ASIC2: variants seen among roughly 807,000 people sequenced by gnomAD.
The protein encoded by ASIC2 is acid-sensing ion channel 2.
In ASIC2, 25 loss-of-function variants were observed where a neutral mutation model predicts 57.3. The observed-to-expected ratio is 0.44, with a 90% CI of 0.32 to 0.61. The LOEUF (loss-of-function observed/expected upper bound fraction) is 0.61, where lower values mean the gene tolerates loss of function less well. ASIC2 is among the 20% of genes least tolerant of loss of function. The pLI, the probability that ASIC2 is intolerant of heterozygous loss-of-function variation, is 0.06. For synonymous variants in ASIC2, 319 were observed against 307.5 expected (o/e 1.04, Z -0.39); for missense variants, 641 against 738.1 (o/e 0.87, Z 1.52).
At chr17:33,827,159 G>A (rs937099216) in intron 1 of ASIC2, among the ~76,000 whole-genome samples, 11 of 151,876 alleles carry the variant, frequency 7.2e-5, no homozygotes, top group African/African-American at 2.4e-4. Context: ...CTATTAAATG[G>A]GAATAAAATA....
At chr17:34,076,822 A>C (rs1045438742) in intron 1 of ASIC2, among the ~76,000 whole-genome samples, 8 of 152,196 alleles carry the variant, frequency 5.3e-5, no homozygotes, top group African/African-American at 1.9e-4. Flanking sequence ...TATTATAGTC[A>C]GAGAGTGAGA....
At chr17:33,101,054 C>A (rs1662755231) in intron 2 of ASIC2, among the ~76,000 whole-genome samples, 1 of 152,216 alleles carries the variant, frequency 6.6e-6, no homozygotes, top group South Asian at 2.1e-4. Context: ...GAGGCCCACT[C>A]TGAGAGTGAG....
At chr17:33,654,611 T>G (rs1907022910) in intron 1 of ASIC2, among the ~76,000 whole-genome samples, 1 of 152,238 alleles carries the variant, frequency 6.6e-6, no homozygotes, top group Non-Finnish European at 1.5e-5. Flanking sequence ...GTGTATAACA[T>G]CTTTGTATCT....
intron 1 of ASIC2, among the ~76,000 whole-genome samples, chr17:33,341,340 G>A (rs1425259420): frequency 1.3e-5 from 2 of 152,212 alleles, no homozygotes; most frequent in East Asian, 3.9e-4. Flanking sequence ...TAGAATTGGA[G>A]TGACCACATA....
At chr17:33,696,301 G>A (rs569136870) in intron 1 of ASIC2, among the ~76,000 whole-genome samples, 5 of 152,302 alleles carry the variant, frequency 3.3e-5, no homozygotes, top group South Asian at 2.1e-4. Flanking sequence ...GGTGGAGGCC[G>A]TATCTGAAAT....
chr17:33,847,259 A>G (rs1435653089), intron 1 of ASIC2, among the ~76,000 whole-genome samples: 1 of 151,762 alleles, frequency 6.6e-6, no homozygotes, highest in African/African-American at 2.4e-5. Flanking sequence ...GTTTTCCTTG[A>G]GCCTTAGTTT....
rs530355679 is a variant in ASIC2 at position 33,430,539 on chromosome 17, G to T, written c.556-318472C>A. On this transcript the variant is annotated intron_variant, in intron 1 of 9. Transcript: ENST00000359872. ...TGCCTTCATCTAGATGTAGGGCTGG[G>T]AATAATAATGTAAATGTCAAGTGGT... Among the ~76,000 whole-genome samples the T allele has an allele frequency of 5.3e-5, 8 of 152,264 alleles. No homozygotes were observed. The East Asian group carries it at 1.5e-3, about 29-fold the overall frequency.
At chr17:33,672,710 C>G (rs1209816740) in intron 1 of ASIC2, among the ~76,000 whole-genome samples, 1 of 152,208 alleles carries the variant, frequency 6.6e-6, no homozygotes, top group African/African-American at 2.4e-5. Flanking sequence ...ACTGCTACAT[C>G]TTTTAATACA....
At chr17:33,286,350 G>T (rs1905190190) in intron 1 of ASIC2, among the ~76,000 whole-genome samples, 1 of 152,190 alleles carries the variant, frequency 6.6e-6, no homozygotes, top group Admixed American at 6.5e-5. Flanking sequence ...TAGGAACAGG[G>T]TGGCAGCTGG....
chr17:34,044,122 A>ACACG (rs1040291589), intron 1 of ASIC2, among the ~76,000 whole-genome samples: 5 of 50,360 alleles, frequency 9.9e-5, no homozygotes, highest in Non-Finnish European at 1.7e-4. Flanking sequence ...ACACACACAC[A>ACACG]CACGCACGCA....
At position 33,723,119 on chromosome 17, in the gene ASIC2, C is replaced by T. The variant is rs182724953; in HGVS notation, c.555+432859G>A. On this transcript the variant is annotated intron_variant, in intron 1 of 9. Transcript: ENST00000359872. Reference sequence around the variant, plus strand: ...ATAGCCCAAAGCTGAATACTGAATACAAGACAAATGGCCATCAACAGAAAA... The same window carrying T: ...ATAGCCCAAAGCTGAATACTGAATATAAGACAAATGGCCATCAACAGAAAA... 1.5e-4 allele frequency among the ~76,000 whole-genome samples: 23 copies of T among 152,126 alleles called. No homozygotes were observed. In the East Asian group the frequency reaches 3.5e-3, roughly 23 times the overall value.
intron 1 of ASIC2, among the ~76,000 whole-genome samples, chr17:33,746,498 A>C (rs530313183): frequency 1.3e-5 from 2 of 151,298 alleles, no homozygotes; most frequent in East Asian, 3.9e-4. Flanking sequence ...ATATGTATAT[A>C]TACATATATG....
chr17:33,813,503 C>G (rs1912486625), intron 1 of ASIC2, among the ~76,000 whole-genome samples: 1 of 152,218 alleles, frequency 6.6e-6, no homozygotes, highest in South Asian at 2.1e-4. Context: ...GTGGCACAAT[C>G]TTGGCTCACT....
At chr17:33,983,941 CCT>C (rs1176226216) in intron 1 of ASIC2, among the ~76,000 whole-genome samples, 2 of 152,116 alleles carry the variant, frequency 1.3e-5, no homozygotes, top group African/African-American at 4.8e-5. Context: ...GTTGAGAAGC[CCT>C]CTGTTTGTGC....
intron 1 of ASIC2, among the ~76,000 whole-genome samples, chr17:33,883,215 G>A (rs1282881157): frequency 6.6e-6 from 1 of 152,078 alleles, no homozygotes; most frequent in Non-Finnish European, 1.5e-5. Context: ...TGCACGTTGT[G>A]CACATGTACC....
chr17:33,982,342 A>G (rs1905656461), intron 1 of ASIC2, among the ~76,000 whole-genome samples: 1 of 152,218 alleles, frequency 6.6e-6, no homozygotes, highest in South Asian at 2.1e-4. Flanking sequence ...GGCTGGAGAC[A>G]GTTACTGGCT....
At chr17:33,196,799 A>G (rs753653586) in intron 1 of ASIC2, among the ~76,000 whole-genome samples, 5 of 152,246 alleles carry the variant, frequency 3.3e-5, no homozygotes, top group Non-Finnish European at 7.3e-5. Context: ...GACAACAAAT[A>G]TGATTCAGAA....
intron 1 of ASIC2, among the ~76,000 whole-genome samples, chr17:33,234,529 A>G (rs1908223923): frequency 6.6e-6 from 1 of 152,202 alleles, no homozygotes; most frequent in African/African-American, 2.4e-5. Context: ...GGAGGGATCC[A>G]GTCTTGGATG....
At chr17:33,099,123 G>T (rs1396749627) in intron 2 of ASIC2, among the ~76,000 whole-genome samples, 1 of 151,924 alleles carries the variant, frequency 6.6e-6, no homozygotes, top group Non-Finnish European at 1.5e-5. Flanking sequence ...TGCCCGAGTA[G>T]CTGGGATTAC....
Sources: allele counts gnomAD v4.1 joint callset (sites outside exome capture counted in the v4.1 genomes callset), GRCh38; gene constraint gnomAD v4.1.1; transcripts MANE v1.5; gene names NCBI Gene and HGNC (gene_info 2026-07-23, HGNC 2026-07-21).